The following CNOT4 variants were observed in gnomAD, a reference collection of about 807,000 sequenced individuals.
CNOT4 encodes the protein CCR4-NOT transcription complex subunit 4.
In CNOT4, 8 loss-of-function variants were observed where a neutral mutation model predicts 73.8. The observed-to-expected ratio is 0.11, with a 90% CI of 0.06 to 0.20. CNOT4 has a LOEUF of 0.20. Ranked by LOEUF, CNOT4 falls within the 10% of genes least tolerant of loss-of-function variation. CNOT4 has a pLI of 1.00. For missense variants in CNOT4, 564 were observed against 883.4 expected (o/e 0.64, Z 4.58); for synonymous variants, 293 against 321.1 (o/e 0.91, Z 0.94).
intron 1 of CNOT4, among the ~76,000 whole-genome samples, chr7:135,467,715 A>C (rs1343108499): frequency 6.6e-6 from 1 of 152,058 alleles, no homozygotes; most frequent in African/African-American, 2.4e-5. Flanking sequence ...TGTCTCCAAA[A>C]ATTTTTTTAA....
intron 3 of CNOT4, among the ~76,000 whole-genome samples, chr7:135,417,777 T>C (rs1797950217): frequency 6.6e-6 from 1 of 152,204 alleles, no homozygotes; most frequent in Non-Finnish European, 1.5e-5. Context: ...GGCACCTTCT[T>C]TCTCACCACT....
chr7:135,439,302 C>T (rs1799337401), intron 1 of CNOT4, among the ~76,000 whole-genome samples: 1 of 152,084 alleles, frequency 6.6e-6, no homozygotes, highest in African/African-American at 2.4e-5. Context: ...ATTGGACAAA[C>T]TGATCCTAAA....
intron 1 of CNOT4, among the ~76,000 whole-genome samples, chr7:135,486,829 A>G (rs79558369): frequency 0.079 from 12,087 of 152,226 alleles, 660 homozygotes; most frequent in Non-Finnish European, 0.12. Context: ...ACAAAACAAA[A>G]CACTTTTTTT....
chr7:135,376,141 A>G (rs1795505220), intron 10 of CNOT4, among the ~76,000 whole-genome samples: 1 of 152,218 alleles, frequency 6.6e-6, no homozygotes. Context: ...AATGAATTAT[A>G]ACTCATATGC....
At chr7:135,370,199 G>C (rs1795119309) in intron 10 of CNOT4, among the ~76,000 whole-genome samples, 1 of 152,146 alleles carries the variant, frequency 6.6e-6, no homozygotes, top group Admixed American at 6.5e-5. Flanking sequence ...TCTGAAAGTA[G>C]AATTTGGATT....
chr7:135,401,132 T>C (rs1482354852), intron 7 of CNOT4, among the ~76,000 whole-genome samples: 1 of 152,202 alleles, frequency 6.6e-6, no homozygotes, highest in Non-Finnish European at 1.5e-5. Context: ...AAAAGAGTTA[T>C]CTTGAGACTA....
intron 1 of CNOT4, among the ~76,000 whole-genome samples, chr7:135,459,351 C>T (rs552113260): frequency 2.0e-4 from 31 of 152,238 alleles, no homozygotes; most frequent in Non-Finnish European, 3.5e-4. Context: ...TGCAGTGGGA[C>T]GCAGTTTACC....
At chr7:135,425,302 T>C (rs1017560744) in intron 2 of CNOT4, among the ~76,000 whole-genome samples, 9 of 152,188 alleles carry the variant, frequency 5.9e-5, no homozygotes, top group Non-Finnish European at 1.3e-4. Flanking sequence ...TTCTATGAGG[T>C]TGTATAAAAT....
At chr7:135,466,899 A>G (rs1402558514) in intron 1 of CNOT4, among the ~76,000 whole-genome samples, 1 of 152,240 alleles carries the variant, frequency 6.6e-6, no homozygotes, top group East Asian at 1.9e-4. Flanking sequence ...AGGCTGCACC[A>G]TCTAGGTTTG....
chr7:135,446,376 C>T (rs1799825295), intron 1 of CNOT4, among the ~76,000 whole-genome samples: 1 of 151,980 alleles, frequency 6.6e-6, no homozygotes, highest in Non-Finnish European at 1.5e-5. Context: ...GTACTTAATG[C>T]CACTGAACTG....
chr7:135,503,170 G>GA (rs1804112635), intron 1 of CNOT4, among the ~76,000 whole-genome samples: 1 of 148,400 alleles, frequency 6.7e-6, no homozygotes, highest in Admixed American at 6.7e-5. Context: ...AATAAATAAA[G>GA]ACATTTTATT....
At chr7:135,392,056 T>C (rs537812754) in intron 10 of CNOT4, among the ~76,000 whole-genome samples, 22 of 152,168 alleles carry the variant, frequency 1.4e-4, no homozygotes, top group Admixed American at 1.0e-3. Context: ...CCTGCCTCTA[T>C]GCCTTTACTC....
chr7:135,465,414 A>G (rs1247077614), intron 1 of CNOT4, among the ~76,000 whole-genome samples: 1 of 152,222 alleles, frequency 6.6e-6, no homozygotes, highest in Non-Finnish European at 1.5e-5. Flanking sequence ...CTCTTATCCA[A>G]GGGGAATACA....
At chr7:135,388,986 A>C in intron 10 of CNOT4, 2 of 1,170,830 alleles carry the variant, frequency 1.7e-6, no homozygotes, top group Non-Finnish European at 2.4e-6. Flanking sequence ...ATACTGATAC[A>C]TATATAAAAT....
intron 1 of CNOT4, among the ~76,000 whole-genome samples, chr7:135,446,128 AC>A (rs1379542751): frequency 1.3e-5 from 2 of 152,022 alleles, no homozygotes; most frequent in African/African-American, 4.8e-5. Context: ...TGATCCTCCC[AC>A]CTCAGGCTCC....
At chr7:135,403,755 T>C (rs1797124916) in intron 7 of CNOT4, among the ~76,000 whole-genome samples, 1 of 152,216 alleles carries the variant, frequency 6.6e-6, no homozygotes. Flanking sequence ...TAACTATTAA[T>C]AAGTACAAAG....
chr7:135,464,868 T>C (rs1373563618), intron 1 of CNOT4, among the ~76,000 whole-genome samples: 2 of 152,136 alleles, frequency 1.3e-5, no homozygotes, highest in African/African-American at 4.8e-5. Context: ...TGTTAATAAA[T>C]GGCTTTTAGT....
chr7:135,366,445 A>G (rs1794919747), intron 10 of CNOT4, among the ~76,000 whole-genome samples: 1 of 152,206 alleles, frequency 6.6e-6, no homozygotes, highest in Non-Finnish European at 1.5e-5. Context: ...TGTTCCTGTA[A>G]TTGTAGACTA....
chr7:135,378,453 G>A (rs191942475), intron 10 of CNOT4, among the ~76,000 whole-genome samples: 17 of 151,638 alleles, frequency 1.1e-4, no homozygotes, highest in Middle Eastern at 3.4e-3. Context: ...GCAGTGAGCC[G>A]ACGTCGCACC....
Sources: gnomAD v4.1 joint callset for allele counts (sites outside exome capture counted in the v4.1 genomes callset) on GRCh38, gnomAD v4.1.1 for gene constraint, MANE v1.5 for transcripts, NCBI Gene and HGNC (gene_info 2026-07-23, HGNC 2026-07-21) for gene names.